Variants in DPYD observed in about 807,000 individuals in gnomAD.
DPYD encodes dihydropyrimidine dehydrogenase [NADP(+)].
In DPYD, 109 loss-of-function variants were observed where a neutral mutation model predicts 116.2. The ratio of observed to expected loss-of-function variants is 0.94; its 90% CI spans 0.80 to 1.10. DPYD has a LOEUF of 1.10. Among genes scored for constraint, DPYD ranks in the 50% least tolerant of loss-of-function variants. The pLI is 0.00. For synonymous variants in DPYD, 440 were observed against 432.0 expected (o/e 1.02, Z -0.23); for missense variants, 1,302 against 1,254.5 (o/e 1.04, Z -0.57).
chr1:97,174,571 G>A (rs569690646), intron 20 of DPYD, among the ~76,000 whole-genome samples: 8 of 152,078 alleles, frequency 5.3e-5, no homozygotes, highest in Non-Finnish European at 8.8e-5. Context: ...TTTTATCTAG[G>A]TACCAGCTAT....
intron 7 of DPYD, among the ~76,000 whole-genome samples, chr1:97,680,547 A>G (rs939493044): frequency 6.6e-6 from 1 of 152,178 alleles, no homozygotes; most frequent in African/African-American, 2.4e-5. Context: ...CCAATTACAG[A>G]AGGAGATCAG....
chr1:97,432,710 A>C (rs547904938), intron 14 of DPYD, among the ~76,000 whole-genome samples: 17 of 152,256 alleles, frequency 1.1e-4, no homozygotes, highest in African/African-American at 4.1e-4. Context: ...AATTTACAGA[A>C]ATAATAGTCA....
chr1:97,171,671 A>G (rs1053272967), intron 20 of DPYD, among the ~76,000 whole-genome samples: 1 of 152,230 alleles, frequency 6.6e-6, no homozygotes, highest in African/African-American at 2.4e-5. Flanking sequence ...ATTAAAGTAG[A>G]TAACACAAAA....
intron 13 of DPYD, among the ~76,000 whole-genome samples, chr1:97,462,451 G>A (rs1677081473): frequency 6.6e-6 from 1 of 151,894 alleles, no homozygotes; most frequent in South Asian, 2.1e-4. Flanking sequence ...CATATGAATA[G>A]GCCCCCTCCT....
intron 1 of DPYD, among the ~76,000 whole-genome samples, chr1:97,900,388 T>A (rs1234371092): frequency 1.3e-5 from 2 of 151,904 alleles, no homozygotes; most frequent in African/African-American, 4.8e-5. Flanking sequence ...AAGGTGATTC[T>A]GGTGGTCAAC....
chr1:97,725,239 A>T (rs953307895), intron 4 of DPYD, among the ~76,000 whole-genome samples: 13 of 151,712 alleles, frequency 8.6e-5, no homozygotes, highest in Non-Finnish European at 1.9e-4. Flanking sequence ...AACTATATGT[A>T]TTAAAAACTG....
intron 19 of DPYD, among the ~76,000 whole-genome samples, chr1:97,198,836 G>C (rs973455947): frequency 1.3e-5 from 2 of 152,140 alleles, no homozygotes; most frequent in African/African-American, 4.8e-5. Context: ...TATCCCTATA[G>C]TGAGCTATTT....
chr1:97,751,373 TATATATACATATATGTGTGTATATATAC>T, intron 3 of DPYD, among the ~76,000 whole-genome samples: 1 of 143,550 alleles, frequency 7.0e-6, no homozygotes, highest in Non-Finnish European at 1.5e-5. Context: ...AACACACACA[TATATATACATATATGTGTGTATATATAC>T]ATATATACGT....
chr1:97,713,600 C>T (rs1662418645), intron 5 of DPYD, among the ~76,000 whole-genome samples: 1 of 152,048 alleles, frequency 6.6e-6, no homozygotes, highest in African/African-American at 2.4e-5. Flanking sequence ...AGACATTATT[C>T]TTTTCTATTA....
At chr1:97,173,305 T>TATATATGCACACATATATACAC (rs1656936464) in intron 20 of DPYD, among the ~76,000 whole-genome samples, 1 of 140,318 alleles carries the variant, frequency 7.1e-6, no homozygotes, top group Non-Finnish European at 1.6e-5. Context: ...CATATGTACA[T>TATATATGCACACATATATACAC]ATATATGCAC....
At chr1:97,412,988 A>G (rs1674094155) in intron 14 of DPYD, among the ~76,000 whole-genome samples, 2 of 152,206 alleles carry the variant, frequency 1.3e-5, no homozygotes, top group South Asian at 4.1e-4. Context: ...TGTCTCATAA[A>G]TTCTTCTAAT....
intron 16 of DPYD, among the ~76,000 whole-genome samples, chr1:97,316,654 C>T (rs1381009991): frequency 6.6e-6 from 1 of 151,846 alleles, no homozygotes; most frequent in Non-Finnish European, 1.5e-5. Context: ...TAATGTCTGC[C>T]TTAGCTTTCA....
At chr1:97,383,740 G>A (rs10875080) in intron 14 of DPYD, among the ~76,000 whole-genome samples, 36,041 of 151,950 alleles carry the variant, frequency 0.24, 4,527 homozygotes, top group Non-Finnish European at 0.28. Flanking sequence ...TGCTTTTAAC[G>A]ACTAGGTTTT....
intron 18 of DPYD, among the ~76,000 whole-genome samples, chr1:97,257,172 T>C (rs896363242): frequency 6.6e-6 from 1 of 151,856 alleles, no homozygotes; most frequent in Non-Finnish European, 1.5e-5. Context: ...AATTATGGAA[T>C]GTACTCAACA....
intron 14 of DPYD, among the ~76,000 whole-genome samples, chr1:97,447,577 G>C (rs965610392): frequency 6.6e-6 from 1 of 152,134 alleles, no homozygotes; most frequent in Admixed American, 6.5e-5. Context: ...GAAAGAATCA[G>C]AAACAAGAAA....
intron 5 of DPYD, among the ~76,000 whole-genome samples, chr1:97,717,489 T>C (rs1024636541): frequency 1.3e-5 from 2 of 152,000 alleles, no homozygotes; most frequent in African/African-American, 4.8e-5. Context: ...GACTTTTTGT[T>C]ACACTGGTAA....
At chr1:97,382,574 T>C (rs1672037436) in intron 14 of DPYD, 113 bp from the exon 15 acceptor site, 1 of 584,874 alleles carries the variant, frequency 1.7e-6, no homozygotes, top group Admixed American at 3.8e-5. Context: ...AAAATTAGTT[T>C]TCAAACTGTG....
intron 12 of DPYD, among the ~76,000 whole-genome samples, chr1:97,529,246 A>G (rs547029165): frequency 1.8e-4 from 28 of 152,216 alleles, no homozygotes; most frequent in Non-Finnish European, 3.2e-4. Flanking sequence ...TTGTCCCATG[A>G]TCTAAAATAT....
chr1:97,287,975 A>G (rs1292375250), intron 18 of DPYD, among the ~76,000 whole-genome samples: 1 of 151,476 alleles, frequency 6.6e-6, no homozygotes, highest in African/African-American at 2.4e-5. Flanking sequence ...GGCTCAAAAT[A>G]AAAGGATGGA....
Sources: gnomAD v4.1 joint callset for allele counts (sites outside exome capture counted in the v4.1 genomes callset) on GRCh38, gnomAD v4.1.1 for gene constraint, MANE v1.5 for transcripts, NCBI Gene and HGNC (gene_info 2026-07-23, HGNC 2026-07-21) for gene names.